EMG1: variants seen among roughly 807,000 people sequenced by gnomAD.
EMG1 encodes EMG1 N1-specific pseudouridine methyltransferase, also known as ribosomal RNA small subunit methyltransferase NEP1.
Under a neutral mutation model 26.9 loss-of-function variants are expected in EMG1, and 24 were observed. The observed-to-expected ratio is 0.89, with a 90% CI of 0.65 to 1.26. EMG1 has a LOEUF of 1.26. Among genes scored for constraint, EMG1 ranks in the 50% most tolerant of loss-of-function variants. The pLI is 0.00. For missense variants in EMG1, 299 were observed against 307.6 expected, an observed-to-expected ratio of 0.97 and a Z score of 0.21; for synonymous variants, 140 against 112.6, an observed-to-expected ratio of 1.24 and a Z score of -1.54.
At chr12:6,980,784 G>A (rs963220802), downstream of EMG1, 2 of 387,128 alleles carry the variant, frequency 5.2e-6, no homozygotes, top group African/African-American at 2.1e-5. Context: ...TGGCATAAAT[G>A]TGGATTTTTA....
intron 1 of EMG1, among the ~76,000 whole-genome samples, chr12:6,973,740 C>T (rs1332971709): frequency 1.3e-5 from 2 of 151,754 alleles, no homozygotes; most frequent in Non-Finnish European, 2.9e-5. Context: ...GATGGGGTTT[C>T]ACCGTGTTAG....
At chr12:6,989,110 G>A (rs1406109049), downstream of EMG1, among the ~76,000 whole-genome samples, 2 of 149,374 alleles carry the variant, frequency 1.3e-5, no homozygotes, top group Non-Finnish European at 1.5e-5. Flanking sequence ...CAACAAGAGC[G>A]AAACTCCATC....
rs1946430671 is a variant in EMG1 at position 6,978,162 on chromosome 12, G to A, written c.*2353G>A. 2.8e-6 allele frequency: 2 copies of A among 718,518 alleles called. No homozygotes were observed. The highest frequency in any genetic ancestry group is 4.6e-6 in the Non-Finnish European group (2 of 436,164). 44.5% of individuals were successfully genotyped at this position (718,518 alleles called of 1,614,324 possible). ...TATATCTTGCCTTTTTTTCAAATATGACAGTAATGGTTTTTTTGGGAGGGG... is the reference window on the plus strand; with the variant it reads ...TATATCTTGCCTTTTTTTCAAATATAACAGTAATGGTTTTTTTGGGAGGGG... On this transcript the variant is annotated 3_prime_UTR_variant, in exon 6 of 6. Coordinates refer to ENST00000599672, the MANE Select transcript of EMG1 (RefSeq NM_006331.8).
At position 6,975,334 on chromosome 12, in the gene EMG1, AGTGAT is replaced by A; in HGVS notation, c.578_582del (p.Ser193ThrfsTer27). On this transcript the variant is annotated frameshift_variant, in exon 5 of 6. Transcript: ENST00000599672. LOFTEE classifies it high-confidence loss of function. ...TGATGTGCGTGAGCTGGTGCCCAGC[AGTGAT>A]CCTATTGTTTTTGTGGTAGGGGCCT... 1 of 1,607,680 alleles carries A rather than the reference AGTGAT, an allele frequency of 6.2e-7. No homozygotes were observed. Among genetic ancestry groups the A allele is most frequent in the East Asian group, 2.2e-5 (1 of 44,770 alleles).
chr12:6,989,155 G>A (rs1228469119), downstream of EMG1, among the ~76,000 whole-genome samples: 1 of 151,872 alleles, frequency 6.6e-6, no homozygotes, highest in Non-Finnish European at 1.5e-5. Context: ...TGGCAGCACT[G>A]TAACTGTTCC....
chr12:6,974,652 C>A lies in EMG1; in HGVS notation c.371C>A (p.Thr124Asn), dbSNP rs1555152820. 1 of 1,613,946 alleles carries A rather than the reference C, an allele frequency of 6.2e-7. No homozygotes were observed. Among genetic ancestry groups the A allele is most frequent in the African/African-American group, 1.3e-5 (1 of 75,028 alleles). Residue 124 changes from threonine to asparagine, a missense_variant, in exon 3 of 6, where the codon ACC becomes AAC. Physicochemically the swap from Thr to Asn is moderately conservative, Grantham distance 65 (BLOSUM62 0). Coordinates refer to ENST00000599672, the MANE Select transcript of EMG1 (RefSeq NM_006331.8). ...KNVLIEVNPQ[T>N]RIPRTFDRFC... ...GTTCTGATTGAAGTGAATCCCCAGA[C>A]CCGAATTCCCAGAACCTTTGACCGC...
chr12:6,978,229 T>A lies in EMG1; in HGVS notation c.*2420T>A, dbSNP rs1946431646. On this transcript the variant is annotated 3_prime_UTR_variant, in exon 6 of 6. Coordinates refer to ENST00000599672, the MANE Select transcript of EMG1 (RefSeq NM_006331.8). ...AAAGTCAGTGTGAGCGACAGGGGGT[T>A]CTGCCCAGATGGGAAAGACGCATAG... 3 of 1,285,862 alleles carry A rather than the reference T, an allele frequency of 2.3e-6. No individual in the cohort carries two copies. The East Asian group carries it at 7.1e-5, about 30-fold the overall frequency. The allele number at this position is 1,285,862 out of a possible 1,614,324, so 79.7% of individuals were successfully genotyped here.
At chr12:6,981,035 G>T (rs781850460), downstream of EMG1, 3 of 1,606,352 alleles carry the variant, frequency 1.9e-6, no homozygotes, top group Non-Finnish European at 2.5e-6. Context: ...ATGTCAATCA[G>T]CTCTCCCTGC....
chr12:6,986,795 CAAAAAAAAAAAAAAA>C (rs1157395768), intron 6 of EMG1, among the ~76,000 whole-genome samples: 1 of 33,924 alleles, frequency 2.9e-5, no homozygotes, highest in Non-Finnish European at 6.1e-5. Context: ...GACTCTGTCT[CAAAAAAAAAAAAAAA>C]AAAAAAAAAA....
Position 6,974,694 on chromosome 12 carries a change from G to T in EMG1, c.412+1G>T. The T allele has an allele frequency of 1.2e-6, 2 of 1,613,860 alleles. No individual in the cohort carries two copies. The highest frequency in any genetic ancestry group is 2.2e-5 in the East Asian group (1 of 44,886). ...TTTGACCGCTTTTGTGGCCTCATGG[G>T]TAAGAAGCCTTAGAACAAAGTTAGA... On this transcript the variant is annotated splice_donor_variant, in intron 3 of 5. Transcript: ENST00000599672. LOFTEE classifies it high-confidence loss of function.
At chr12:6,981,555 A>G (rs782770001), downstream of EMG1, 1 of 1,606,980 alleles carries the variant, frequency 6.2e-7, no homozygotes, top group Admixed American at 1.7e-5. Context: ...CTTCCCTTTC[A>G]TTAAGTCTTG....
In EMG1 at chr12:6,978,393, A is replaced by G. The variant is rs1565596679; in HGVS notation, c.*2584A>G. On this transcript the variant is annotated 3_prime_UTR_variant, in exon 6 of 6. Coordinates refer to ENST00000599672, the MANE Select transcript of EMG1 (RefSeq NM_006331.8). ...TTGAATGAGGCAATGGTGCCAGTGA[A>G]GCGGGGGTTTGTTTCAAAGAGCCAC... is the stretch of plus-strand genomic sequence containing the variant. The G allele has an allele frequency of 6.2e-7, 1 of 1,613,540 alleles. No individual in the cohort carries two copies. The highest frequency in any genetic ancestry group is 1.3e-5 in the African/African-American group (1 of 74,760).
At chr12:6,986,438 T>C (rs1281099495) in intron 6 of EMG1, among the ~76,000 whole-genome samples, 1 of 152,194 alleles carries the variant, frequency 6.6e-6, no homozygotes, top group Non-Finnish European at 1.5e-5. Flanking sequence ...GTTAATCAAC[T>C]TGTTTATGCT....
At chr12:6,971,870 C>G (rs1555152334) in intron 1 of EMG1, among the ~76,000 whole-genome samples, 1 of 152,122 alleles carries the variant, frequency 6.6e-6, no homozygotes, top group Non-Finnish European at 1.5e-5. Context: ...TTATTTAAAA[C>G]TTTTACATCT....
chr12:6,975,968 T>C lies in EMG1; in HGVS notation c.*159T>C, dbSNP rs1811496632. 1.7e-6 allele frequency: 1 copy of C among 586,960 alleles called. No homozygotes were observed. The highest frequency in any genetic ancestry group is 2.8e-5 in the East Asian group (1 of 35,830). 36.4% of individuals were successfully genotyped at this position (586,960 alleles called of 1,614,324 possible). A position where few individuals can be genotyped will look rare whatever the true frequency, so the allele number is the denominator to read the frequency against. ...CTATTTGTTTATCCTATGAATACTG[T>C]TCTTGCAAACCTGGTTGTTTTGGGG... On this transcript the variant is annotated 3_prime_UTR_variant, in exon 6 of 6. Transcript: ENST00000599672.
At position 6,977,404 on chromosome 12, in the gene EMG1, G is replaced by A; in HGVS notation, c.*1595G>A. On this transcript the variant is annotated 3_prime_UTR_variant, in exon 6 of 6. Transcript: ENST00000599672. This position sits in a 1 kb window ranked among gnomAD's most constrained non-coding sequence, Gnocchi z 4.5. Reference sequence around the variant, plus strand: ...GTCCCACGTGAAGAGGCAGAAGGCAGTCATGGAGTAACCCATGAAGAGCCA... The same window carrying A: ...GTCCCACGTGAAGAGGCAGAAGGCAATCATGGAGTAACCCATGAAGAGCCA... 1 of 1,614,222 alleles carries A rather than the reference G, an allele frequency of 6.2e-7. No homozygotes were observed. Among genetic ancestry groups the A allele is most frequent in the Non-Finnish European group, 8.5e-7 (1 of 1,180,040 alleles).
intron 5 of EMG1, 130 bp from the exon 6 acceptor site, chr12:6,975,566 T>C: frequency 2.1e-6 from 2 of 960,838 alleles, no homozygotes; most frequent in Non-Finnish European, 3.3e-6. Context: ...ACCTTCTTCA[T>C]CCTTTGTAGG....
intron 1 of EMG1, among the ~76,000 whole-genome samples, chr12:6,971,661 G>GT (rs1946330940): frequency 6.6e-6 from 1 of 152,160 alleles, no homozygotes; most frequent in Admixed American, 6.5e-5. Flanking sequence ...GGATTCTGTG[G>GT]TATAGTAGTC....
intron 7 of EMG1, among the ~76,000 whole-genome samples, chr12:6,994,915 C>T (rs1013694675): frequency 6.6e-6 from 1 of 152,196 alleles, no homozygotes; most frequent in Non-Finnish European, 1.5e-5. Flanking sequence ...ATTCTTGCTA[C>T]ACTGCTTCTT....
Sources: gnomAD v4.1 joint callset for allele counts (sites outside exome capture counted in the v4.1 genomes callset) on GRCh38, gnomAD v4.1.1 for gene constraint, Gnocchi (gnomAD v3.1) non-coding constraint, MANE v1.5 for transcripts, NCBI Gene and HGNC (gene_info 2026-07-23, HGNC 2026-07-21) for gene names.